Variants in VRTN observed in about 807,000 individuals in gnomAD.
VRTN encodes vertebrae development associated.
Under a neutral mutation model 18.2 loss-of-function variants are expected in VRTN, and 5 were observed. The ratio of observed to expected loss-of-function variants is 0.27; its 90% CI spans 0.14 to 0.58. The LOEUF (loss-of-function observed/expected upper bound fraction) is 0.58. VRTN is among the 20% of genes least tolerant of loss of function. The pLI is 0.91. For synonymous variants in VRTN, 381 were observed against 393.7 expected (o/e 0.97, Z 0.38); for missense variants, 741 against 939.4 (o/e 0.79, Z 2.76).
chr14:74,312,829 G>C (rs533278841), intron 1 of VRTN, among the ~76,000 whole-genome samples: 2 of 139,666 alleles, frequency 1.4e-5, no homozygotes, highest in Non-Finnish European at 3.0e-5. Context: ...TGCAACCTTC[G>C]CCTCCCAGGT....
chr14:74,345,265 G>A (rs1439521165), upstream of VRTN, among the ~76,000 whole-genome samples: 1 of 150,940 alleles, frequency 6.6e-6, no homozygotes, highest in Admixed American at 6.6e-5. Flanking sequence ...GGCTGGTCTC[G>A]AACTCCTGGG....
chr14:74,338,882 G>T (rs1251836448), intron 2 of VRTN, among the ~76,000 whole-genome samples: 1 of 152,114 alleles, frequency 6.6e-6, no homozygotes, highest in Admixed American at 6.6e-5. Flanking sequence ...GAGCCACCAT[G>T]CCCGGCTAAT....
Position 74,358,322 on chromosome 14 carries a change from G to C in VRTN, c.1539G>C (p.Arg513Ser). ...PLSRWQRRLR[R>S]AARRQVLSGH... ...CCCGTTGGCAGAGGCGTCTGCGCAG[G>C]GCTGCCCGCAGGCAGGTGCTGAGTG... is the stretch of plus-strand genomic sequence containing the variant. Residue 513 changes from arginine (R) to serine (S), a missense_variant, in exon 2 of 2, where the codon AGG becomes AGC. By Grantham distance (110) the Arg-to-Ser change is moderately radical (BLOSUM62 -1). Around this residue, in one of 3 missense-constraint regions of VRTN, gnomAD observed 494 missense variants for 546.5 expected, o/e 0.90. Coordinates refer to ENST00000256362, the MANE Select transcript of VRTN (RefSeq NM_018228.3). The surrounding 1 kb of genome is among the most constrained non-coding windows in gnomAD (Gnocchi z 5.4). 6.2e-7 allele frequency: 1 copy of C among 1,613,042 alleles called. No homozygotes were observed. The highest frequency in any genetic ancestry group is 8.5e-7 in the Non-Finnish European group (1 of 1,179,680).
At chr14:74,353,449 T>A (rs988563878) in intron 1 of VRTN, among the ~76,000 whole-genome samples, 5 of 152,194 alleles carry the variant, frequency 3.3e-5, no homozygotes, top group Non-Finnish European at 5.9e-5. Context: ...TGGCAAATAG[T>A]AAATGCTCAG....
rs114923184 is a variant in VRTN, at chr14:74,342,961, A to T, written c.-2+5077A>T. 3.9e-3 allele frequency among the ~76,000 whole-genome samples: 594 copies of T among 152,202 alleles called. 3 individuals carry two copies. Among genetic ancestry groups the T allele is most frequent in the African/African-American group, 0.014 (569 of 41,560 alleles). On this transcript the variant is annotated intron_variant, in intron 2 of 2. Transcript: ENST00000557177. ...GAAAAATGCTCTTTCATCATAATTT[A>T]AAAATGTAAATTAAAACTATACTGA...
At chr14:74,345,124 T>G (rs79559818), upstream of VRTN, among the ~76,000 whole-genome samples, 9 of 152,298 alleles carry the variant, frequency 5.9e-5, no homozygotes, top group East Asian at 1.5e-3. Flanking sequence ...CTTGGCTCAC[T>G]GCAGCCTTCA....
chr14:74,307,180 G>A (rs1483975398), intron 1 of VRTN, among the ~76,000 whole-genome samples: 2 of 86,756 alleles, frequency 2.3e-5, no homozygotes, highest in Non-Finnish European at 4.1e-5. Flanking sequence ...TTTCACTCTT[G>A]TTGCCCAGGC....
chr14:74,321,394 A>T (rs1595165310), intron 1 of VRTN, among the ~76,000 whole-genome samples: 1 of 152,158 alleles, frequency 6.6e-6, no homozygotes, highest in Non-Finnish European at 1.5e-5. Context: ...TGAGGCATGG[A>T]AAGGATGGGG....
At chr14:74,318,711 CTTTTTTTT>C in intron 1 of VRTN, among the ~76,000 whole-genome samples, 1 of 121,684 alleles carries the variant, frequency 8.2e-6, no homozygotes, top group East Asian at 2.7e-4. Flanking sequence ...CGTGTCCGGC[CTTTTTTTT>C]TTTTTTTTTT....
chr14:74,336,863 C>T (rs2085568445), intron 1 of VRTN, among the ~76,000 whole-genome samples: 1 of 151,968 alleles, frequency 6.6e-6, no homozygotes, highest in Non-Finnish European at 1.5e-5. Flanking sequence ...TCCTCTTTTT[C>T]TCCTCTTTTC....
chr14:74,342,476 C>T (rs1340910027), intron 2 of VRTN, among the ~76,000 whole-genome samples: 3 of 151,876 alleles, frequency 2.0e-5, no homozygotes, highest in African/African-American at 7.3e-5. Context: ...TGTATATGCG[C>T]ACATACACGT....
rs1443374705 is a variant in VRTN, at chr14:74,358,989, C to G, written c.*97C>G. 1.4e-6 allele frequency: 2 copies of G among 1,477,098 alleles called. No homozygotes were observed. Among genetic ancestry groups the G allele is most frequent in the African/African-American group, 2.8e-5 (2 of 70,668 alleles). 91.5% of individuals were successfully genotyped at this position (1,477,098 alleles called of 1,614,324 possible). On this transcript the variant is annotated 3_prime_UTR_variant, in exon 2 of 2. Coordinates refer to ENST00000256362, the MANE Select transcript of VRTN (RefSeq NM_018228.3). This position sits in a 1 kb window ranked among gnomAD's most constrained non-coding sequence, Gnocchi z 5.4. ...AGGCTTGGCCAGGATGTCCTTTGCT[C>G]TGGGTCCCACAGTGTCTACCCTAAG...
intron 1 of VRTN, among the ~76,000 whole-genome samples, chr14:74,324,051 A>G (rs2085472025): frequency 6.6e-6 from 1 of 152,060 alleles, no homozygotes; most frequent in Non-Finnish European, 1.5e-5. Flanking sequence ...CTTCATGTAA[A>G]GTGCTTAACT....
chr14:74,322,649 AC>A (rs2085463767), intron 1 of VRTN, among the ~76,000 whole-genome samples: 1 of 152,084 alleles, frequency 6.6e-6, no homozygotes, highest in South Asian at 2.1e-4. Flanking sequence ...CCCCTATGGA[AC>A]TGTCCAACCC....
intron 1 of VRTN, among the ~76,000 whole-genome samples, chr14:74,310,540 T>G (rs934563462): frequency 8.0e-5 from 12 of 149,672 alleles, no homozygotes; most frequent in African/African-American, 2.9e-4. Flanking sequence ...TCTGTTTTTT[T>G]TTTTTTTTTT....
intron 2 of VRTN, among the ~76,000 whole-genome samples, chr14:74,340,236 C>G (rs1337517375): frequency 3.9e-5 from 6 of 152,048 alleles, no homozygotes. Context: ...CTTCAGCCTC[C>G]CTAGTAGCTG....
At position 74,356,938 on chromosome 14, in the gene VRTN, G is replaced by T. The variant is rs1030661296; in HGVS notation, c.155G>T (p.Gly52Val). 1 of 1,613,914 alleles carries T rather than the reference G, an allele frequency of 6.2e-7. No individual in the cohort carries two copies. Among genetic ancestry groups the T allele is most frequent in the African/African-American group, 1.3e-5 (1 of 74,910 alleles). The change falls in exon 2 of 2, where the codon GGC (glycine) becomes GTC (valine). Residue 52 changes from glycine (G) to valine (V), a missense_variant. Gly to Val is a moderately radical substitution (Grantham distance 109). Around this residue, in one of 3 missense-constraint regions of VRTN, gnomAD observed 186 missense variants for 288.3 expected, o/e 0.65. Transcript: ENST00000256362. Reference sequence around the variant, plus strand: ...CCCACCTGCCGGGAGGGAGGCCCTGGCCTCCAGGTGCTGGAAGTGGACTCG... The same window carrying T: ...CCCACCTGCCGGGAGGGAGGCCCTGTCCTCCAGGTGCTGGAAGTGGACTCG... The part of the protein sequence containing the change: ...TLPTCREGGP[G>V]LQVLEVDSVA...
chr14:74,328,734 A>G (rs2085502879), intron 1 of VRTN, among the ~76,000 whole-genome samples: 1 of 152,268 alleles, frequency 6.6e-6, no homozygotes, highest in South Asian at 2.1e-4. Flanking sequence ...GCCCTGGCTC[A>G]TGCTTGTAAT....
chr14:74,307,137 C>CTTTTTTTTTTTTT (rs56345315), intron 1 of VRTN, among the ~76,000 whole-genome samples: 1 of 87,744 alleles, frequency 1.1e-5, no homozygotes, highest in African/African-American at 4.8e-5. Flanking sequence ...TGTTGTGGCC[C>CTTTTTTTTTTTTT]TTTTTTTTTT....
Sources: allele counts gnomAD v4.1 joint callset (sites outside exome capture counted in the v4.1 genomes callset), GRCh38; gene constraint gnomAD v4.1.1; regional missense constraint gnomAD v4.1.1; non-coding constraint Gnocchi (gnomAD v3.1); transcripts MANE v1.5; gene names NCBI Gene and HGNC (gene_info 2026-07-23, HGNC 2026-07-21).